The following AGMO variants were observed in gnomAD, a reference collection of about 807,000 sequenced individuals.
AGMO encodes glyceryl-ether monooxygenase.
In AGMO, 75 loss-of-function variants were observed where a neutral mutation model predicts 60.2. The observed-to-expected ratio is 1.25, with a 90% CI of 1.03 to 1.51. The LOEUF (loss-of-function observed/expected upper bound fraction) is 1.51, where lower values mean the gene tolerates loss of function less well. Ranked by LOEUF, AGMO falls within the 40% of genes most tolerant of loss-of-function variation. The pLI is 0.00. For synonymous variants in AGMO, 261 were observed against 177.1 expected (o/e 1.47, Z -3.76); for missense variants, 763 against 525.5 (o/e 1.45, Z -4.42).
intron 3 of AGMO, among the ~76,000 whole-genome samples, chr7:15,541,104 T>A (rs906885193): frequency 1.3e-5 from 2 of 152,276 alleles, no homozygotes; most frequent in South Asian, 4.1e-4. Context: ...GTTGTTTTTT[T>A]GTTTGTTTGT....
At chr7:15,340,598 C>G (rs1781812683) in intron 12 of AGMO, among the ~76,000 whole-genome samples, 1 of 152,188 alleles carries the variant, frequency 6.6e-6, no homozygotes, top group African/African-American at 2.4e-5. Flanking sequence ...CAAGATACCA[C>G]TCAGGCAATG....
intron 12 of AGMO, among the ~76,000 whole-genome samples, chr7:15,277,091 C>T (rs552141230): frequency 3.4e-4 from 51 of 151,756 alleles, no homozygotes; most frequent in African/African-American, 1.0e-3. Context: ...GTGGATTACC[C>T]GAGATCAGGA....
Position 15,366,231 on chromosome 7 carries a change from C to G in AGMO, c.1075-9G>C. 1 of 1,596,262 alleles carries G rather than the reference C, an allele frequency of 6.3e-7. No individual in the cohort carries two copies. The highest frequency in any genetic ancestry group is 8.5e-7 in the Non-Finnish European group (1 of 1,169,710). On this transcript the variant is annotated splice_polypyrimidine_tract_variant and intron_variant, in intron 10 of 12. Coordinates refer to ENST00000342526, the MANE Select transcript of AGMO (RefSeq NM_001004320.2). ...GTAACTTGCGACAGTGCCTGTCAAA[C>G]AAACACGGAGATCAATGGAGCCGTT...
At chr7:15,333,915 A>G (rs1207167847) in intron 12 of AGMO, among the ~76,000 whole-genome samples, 1 of 152,072 alleles carries the variant, frequency 6.6e-6, no homozygotes, top group East Asian at 1.9e-4. Context: ...TTCTCAATAT[A>G]TCAGCATTTA....
chr7:15,294,993 T>C (rs1203500439), intron 12 of AGMO, among the ~76,000 whole-genome samples: 3 of 151,804 alleles, frequency 2.0e-5, no homozygotes, highest in Non-Finnish European at 4.4e-5. Flanking sequence ...AACTAAAATC[T>C]AATAGGGAAC....
intron 12 of AGMO, among the ~76,000 whole-genome samples, chr7:15,354,500 A>ATACACGTG (rs1465306839): frequency 1.3e-4 from 2 of 15,716 alleles, no homozygotes; most frequent in African/African-American, 4.1e-4. Flanking sequence ...ACACGTGTAT[A>ATACACGTG]TATATATATA....
chr7:15,229,736 T>TA (rs1483953844), intron 12 of AGMO, among the ~76,000 whole-genome samples: 1 of 147,068 alleles, frequency 6.8e-6, no homozygotes, highest in East Asian at 2.0e-4. Context: ...AAATTATATA[T>TA]TATAATATAT....
At chr7:15,432,313 T>C (rs1781265747) in intron 3 of AGMO, among the ~76,000 whole-genome samples, 1 of 129,112 alleles carries the variant, frequency 7.7e-6, no homozygotes, top group South Asian at 2.6e-4. Flanking sequence ...GTCATATATA[T>C]GTGTGTGTAT....
At chr7:15,369,288 T>C (rs1359522527) in intron 10 of AGMO, among the ~76,000 whole-genome samples, 4 of 152,092 alleles carry the variant, frequency 2.6e-5, no homozygotes, top group African/African-American at 7.2e-5. Context: ...TGCAGAGTGA[T>C]CCTTTTAAGC....
chr7:15,393,220 G>C (rs1226883854), intron 6 of AGMO, among the ~76,000 whole-genome samples: 3 of 152,142 alleles, frequency 2.0e-5, no homozygotes, highest in Admixed American at 2.0e-4. Context: ...CCTTCTACTC[G>C]ACTCCCTGCC....
the AGMO span, among the ~76,000 whole-genome samples, chr7:15,186,750 C>T: frequency 6.6e-6 from 1 of 152,090 alleles, no homozygotes; most frequent in African/African-American, 2.4e-5. Context: ...TGGGCCTAAC[C>T]AGATCCCAGT....
At chr7:15,386,572 G>T (rs972947167) in intron 9 of AGMO, among the ~76,000 whole-genome samples, 3 of 152,140 alleles carry the variant, frequency 2.0e-5, no homozygotes, top group Non-Finnish European at 4.4e-5. Flanking sequence ...ATTCCTAGCG[G>T]CGTTGGTAAC....
the AGMO span, among the ~76,000 whole-genome samples, chr7:15,185,071 G>C: frequency 6.6e-6 from 1 of 152,066 alleles, no homozygotes; most frequent in Non-Finnish European, 1.5e-5. Context: ...TTCTTTCAAT[G>C]TTTTTCAGAA....
intron 12 of AGMO, among the ~76,000 whole-genome samples, chr7:15,287,697 C>A (rs1784137827): frequency 6.6e-6 from 1 of 152,092 alleles, no homozygotes; most frequent in Non-Finnish European, 1.5e-5. Context: ...CATGTAGGCA[C>A]CAGAACTTTT....
chr7:15,432,379 T>TATATATATGTGTATATATATATATATAC (rs373845365), intron 3 of AGMO, among the ~76,000 whole-genome samples: 11 of 136,194 alleles, frequency 8.1e-5, no homozygotes, highest in African/African-American at 3.1e-4. Context: ...CATATATATA[T>TATATATATGTGTATATATATATATATAC]ACACTATCTG....
At chr7:15,343,642 G>A (rs1781935341) in intron 12 of AGMO, among the ~76,000 whole-genome samples, 1 of 152,040 alleles carries the variant, frequency 6.6e-6, no homozygotes, top group Non-Finnish European at 1.5e-5. Context: ...CAACCTCTTT[G>A]CTTCATCTCA....
chr7:15,470,684 C>G (rs79633142), intron 3 of AGMO, among the ~76,000 whole-genome samples: 7,610 of 151,768 alleles, frequency 0.05, 258 homozygotes, highest in African/African-American at 0.091. Context: ...TGGTTTTTTT[C>G]ACTGTTCTTA....
chr7:15,180,278 T>C, the AGMO span, among the ~76,000 whole-genome samples: 1 of 152,198 alleles, frequency 6.6e-6, no homozygotes, highest in Non-Finnish European at 1.5e-5. Flanking sequence ...ATTGCTTTGC[T>C]CTAGCATCTC....
chr7:15,159,622 C>T, the AGMO span, among the ~76,000 whole-genome samples: 3 of 152,134 alleles, frequency 2.0e-5, no homozygotes, highest in South Asian at 4.1e-4. Flanking sequence ...TCTGTACCAA[C>T]ATCAATCTGA....
Sources: gnomAD v4.1 joint callset for allele counts (sites outside exome capture counted in the v4.1 genomes callset) on GRCh38, gnomAD v4.1.1 for gene constraint, MANE v1.5 for transcripts, NCBI Gene and HGNC (gene_info 2026-07-23, HGNC 2026-07-21) for gene names.